DPM1: variants seen among roughly 807,000 people sequenced by gnomAD.
DPM1 encodes the protein dolichyl-phosphate mannosyltransferase subunit 1, catalytic, also known as dolichol-phosphate mannosyltransferase subunit 1.
In DPM1, 27 loss-of-function variants were observed where a neutral mutation model predicts 39.0. The observed-to-expected ratio is 0.69, with a 90% confidence interval of 0.51 to 0.95. DPM1 has a LOEUF of 0.95. Among genes scored for constraint, DPM1 ranks in the 40% least tolerant of loss-of-function variants. The pLI is 0.00. For missense variants in DPM1, 307 were observed against 315.6 expected, an observed-to-expected ratio of 0.97 and a Z score of 0.21; for synonymous variants, 124 against 109.0, an observed-to-expected ratio of 1.14 and a Z score of -0.86.
intron 6 of DPM1, 156 bp from the exon 7 acceptor site, chr20:50,941,089 G>A: frequency 3.5e-6 from 3 of 862,678 alleles, no homozygotes; most frequent in Non-Finnish European, 5.4e-6. Flanking sequence ...GAAATTTTTA[G>A]TCAATGAAAG....
chr20:50,946,085 T>C (rs1014779743), intron 3 of DPM1, among the ~76,000 whole-genome samples, 162 bp from the exon 4 acceptor site: 4 of 152,250 alleles, frequency 2.6e-5, no homozygotes, highest in African/African-American at 9.6e-5. Context: ...AGTTCATGTA[T>C]ATTACATATA....
In DPM1 at chr20:50,955,170, T is replaced by G; in HGVS notation, c.261+16A>C. On this transcript the variant is annotated intron_variant, in intron 2 of 8. Coordinates refer to ENST00000371588, the MANE Select transcript of DPM1 (RefSeq NM_003859.3). ...AATCACAATTCATATCACAGAAAAA[T>G]GTTCTTATAACTTACAATTCTGTCT... The G allele has an allele frequency of 3.2e-6, 5 of 1,573,050 alleles. No individual in the cohort carries two copies. The highest frequency in any genetic ancestry group is 4.4e-6 in the Non-Finnish European group (5 of 1,144,202).
chr20:50,948,469 C>T (rs565785609), intron 3 of DPM1, among the ~76,000 whole-genome samples, 160 bp downstream of exon 3: 21 of 152,296 alleles, frequency 1.4e-4, no homozygotes, highest in Non-Finnish European at 7.4e-5. Flanking sequence ...TTGACTTATA[C>T]AGGCGACCCA....
intron 7 of DPM1, among the ~76,000 whole-genome samples, chr20:50,938,746 G>A (rs1282056968): frequency 3.3e-5 from 5 of 151,034 alleles, no homozygotes; most frequent in African/African-American, 1.2e-4. Context: ...TGGGGAGGCG[G>A]AGGCAGGAGG....
At chr20:50,945,221 C>T (rs1300632356) in intron 5 of DPM1, 3 of 153,958 alleles carry the variant, frequency 1.9e-5, no homozygotes, top group South Asian at 2.0e-4. Flanking sequence ...ATTCAGATAA[C>T]GAACTACCTG....
At chr20:50,945,285 TG>T (rs1451641927) in intron 5 of DPM1, among the ~76,000 whole-genome samples, 19 of 728 alleles carry the variant, frequency 0.026, no homozygotes, top group African/African-American at 0.062. Context: ...AAATGTGTGT[TG>T]TGTGTGTGTG....
intron 5 of DPM1, 83 bp from the exon 6 acceptor site, chr20:50,942,209 T>A: frequency 7.9e-7 from 1 of 1,271,254 alleles, no homozygotes; most frequent in Non-Finnish European, 1.1e-6. Context: ...ACAAAACTTT[T>A]AAGAGAAGTC....
intron 7 of DPM1, among the ~76,000 whole-genome samples, chr20:50,937,174 A>T (rs1370540776): frequency 6.6e-6 from 1 of 152,118 alleles, no homozygotes; most frequent in African/African-American, 2.4e-5. Flanking sequence ...TTCAAAGTTA[A>T]GGCCATCTGG....
At chr20:50,958,537 C>T, upstream of DPM1, 1 of 1,613,164 alleles carries the variant, frequency 6.2e-7, no homozygotes, top group Non-Finnish European at 8.5e-7. Flanking sequence ...GGAACTGAGC[C>T]AGATGCCGGA....
At chr20:50,941,961 A>C in intron 6 of DPM1, 70 bp downstream of exon 6, 1 of 1,320,466 alleles carries the variant, frequency 7.6e-7, no homozygotes, top group South Asian at 1.2e-5. Flanking sequence ...ATGATAGCTA[A>C]TCCAAATACT....
intron 7 of DPM1, among the ~76,000 whole-genome samples, chr20:50,936,878 A>G (rs539225492): frequency 2.8e-4 from 43 of 152,316 alleles, no homozygotes; most frequent in African/African-American, 1.0e-3. Flanking sequence ...AGTTGAGGTC[A>G]CAGTTAGACA....
At chr20:50,955,698 G>A (rs1375627202) in intron 1 of DPM1, among the ~76,000 whole-genome samples, 1 of 152,046 alleles carries the variant, frequency 6.6e-6, no homozygotes, top group Non-Finnish European at 1.5e-5. Context: ...GGAGTAGCTG[G>A]GACTACAGGC....
Position 50,955,241 on chromosome 20 carries a change from T to G in DPM1, c.206A>C (p.Asp69Ala). 6.2e-7 allele frequency: 1 copy of G among 1,613,304 alleles called. No homozygotes were observed. The highest frequency in any genetic ancestry group is 8.5e-7 in the Non-Finnish European group (1 of 1,179,806). Reference protein sequence around the residue: ...EIIIIDDGSPDGTRDVAEQLE... With the variant: ...EIIIIDDGSPAGTRDVAEQLE... ...CTGTTCAGCAACATCCCTTGTTCCA[T>G]CTGGGCTTCCATCATCTATGATTAT... The change falls in exon 2 of 9, where the codon GAT (aspartate) becomes GCT (alanine). Residue 69 changes from aspartate (D) to alanine (A), a missense_variant. This residue lies in a region of DPM1 where 206 missense variants were observed against 188.2 expected (regional missense o/e 1.09). Transcript: ENST00000371588.
intron 2 of DPM1, among the ~76,000 whole-genome samples, chr20:50,951,326 A>G (rs960070766): frequency 6.6e-6 from 1 of 152,216 alleles, no homozygotes; most frequent in Non-Finnish European, 1.5e-5. Flanking sequence ...GATCGCCAAG[A>G]CAGAATTAGA....
chr20:50,958,500 A>T lies in DPM1; in HGVS notation c.24T>A (p.Arg8=). 1.2e-6 allele frequency: 2 copies of T among 1,613,468 alleles called. No homozygotes were observed. The highest frequency in any genetic ancestry group is 1.7e-6 in the Non-Finnish European group (2 of 1,179,920). Residue 8 remains arginine (R), a synonymous_variant, in exon 1 of 9, where the codon CGT becomes CGA. Transcript: ENST00000371588. Reference sequence around the variant, plus strand: ...GCTCCCGCCGAGACCTGCGAGGACTACGACTGACTTCCAAGGAGGCCATGG... The same window carrying T: ...GCTCCCGCCGAGACCTGCGAGGACTTCGACTGACTTCCAAGGAGGCCATGG... The part of the protein sequence containing the change: MASLEVS[R]SPRRSRRELE...
intron 2 of DPM1, among the ~76,000 whole-genome samples, chr20:50,951,214 G>C (rs1260131749): frequency 6.6e-6 from 1 of 152,112 alleles, no homozygotes; most frequent in Admixed American, 6.5e-5. Context: ...CCATGGACAA[G>C]GAGACTATGA....
rs766661593 is a variant in DPM1 at position 50,942,088 on chromosome 20, G to A, written c.437C>T (p.Thr146Ile). The stretch of plus-strand genomic sequence containing the variant: ...TACACCTCCATTTCCTTTGTAGCGA[G>A]TTCCAGAGACAATATCAAAATTACC... Reference protein sequence around the residue: ...KEGNFDIVSGTRYKGNGGVYG... With the variant: ...KEGNFDIVSGIRYKGNGGVYG... Residue 146 changes from threonine (T) to isoleucine (I), a missense_variant, in exon 6 of 9, where the codon ACT becomes ATT. Thr to Ile is a moderately conservative substitution (Grantham distance 89). This residue lies in a region of DPM1 where 206 missense variants were observed against 188.2 expected (regional missense o/e 1.09). Transcript: ENST00000371588. 1.2e-6 allele frequency: 2 copies of A among 1,614,046 alleles called. No homozygotes were observed. Among genetic ancestry groups the A allele is most frequent in the East Asian group, 2.2e-5 (1 of 44,876 alleles).
At chr20:50,946,955 T>A (rs537981649) in intron 3 of DPM1, among the ~76,000 whole-genome samples, 1 of 152,280 alleles carries the variant, frequency 6.6e-6, no homozygotes, top group African/African-American at 2.4e-5. Flanking sequence ...ACGCTTGTAA[T>A]CCCAGCACTT....
Position 50,936,054 on chromosome 20 carries a change from C to A in DPM1, c.678+94G>T. ...CAACTAGAAGACCTCCACAATTTAG[C>A]AGTTATGAAAGTTAAACTTTTTATT... On this transcript the variant is annotated intron_variant, in intron 8 of 8. Transcript: ENST00000371588. 5 of 850,026 alleles carry A rather than the reference C, an allele frequency of 5.9e-6. No homozygotes were observed. The South Asian group carries it at 7.1e-5, about 12-fold the overall frequency. The allele number at this position is 850,026 out of a possible 1,614,324, so 52.7% of individuals were successfully genotyped here.
Sources: gnomAD v4.1 joint callset for allele counts (sites outside exome capture counted in the v4.1 genomes callset) on GRCh38, gnomAD v4.1.1 for gene constraint, gnomAD v4.1.1 regional missense constraint, MANE v1.5 for transcripts, NCBI Gene and HGNC (gene_info 2026-07-23, HGNC 2026-07-21) for gene names.